CACNA2D1: variants seen among roughly 807,000 people sequenced by gnomAD.
CACNA2D1 encodes the protein voltage-dependent calcium channel subunit alpha-2/delta-1.
CACNA2D1 carries 53 observed loss-of-function variants against 171.5 expected under a neutral mutation model. The observed-to-expected ratio is 0.31, with a 90% confidence interval of 0.25 to 0.39. The LOEUF (loss-of-function observed/expected upper bound fraction) is 0.39. Among genes scored for constraint, CACNA2D1 ranks in the 10% least tolerant of loss-of-function variants. The pLI is 1.00. For synonymous variants in CACNA2D1, 442 were observed against 443.1 expected, an observed-to-expected ratio of 1.00 and a Z score of 0.03; for missense variants, 903 against 1,299.8, an observed-to-expected ratio of 0.69 and a Z score of 4.69.
intron 3 of CACNA2D1, among the ~76,000 whole-genome samples, chr7:82,317,988 C>T (rs12670011): frequency 0.17 from 25,625 of 151,194 alleles, 2,248 homozygotes; most frequent in South Asian, 0.28. Flanking sequence ...TATGATGCCT[C>T]TCTCCTTTCT....
intron 3 of CACNA2D1, among the ~76,000 whole-genome samples, chr7:82,217,934 T>TTTATTTATTTAC (rs1801338124): frequency 6.6e-6 from 1 of 150,562 alleles, no homozygotes; most frequent in African/African-American, 2.4e-5. Flanking sequence ...TATTTATTTA[T>TTTATTTATTTAC]TTATATTTTT....
At position 82,116,035 on chromosome 7, in the gene CACNA2D1, A is replaced by G. The variant is rs139357982; in HGVS notation, c.526+1009T>C. 4.6e-3 allele frequency among the ~76,000 whole-genome samples: 700 copies of G among 152,302 alleles called. 3 individuals are homozygous for G. Among genetic ancestry groups the G allele is most frequent in the Middle Eastern group, 6.8e-3 (2 of 294 alleles). On this transcript the variant is annotated intron_variant, in intron 6 of 38. Transcript: ENST00000356860. ...TGGACACAGGTAGTCTGGTTCCAGA[A>G]CCCAGGCCATCTGGATAATCTGGAT...
intron 3 of CACNA2D1, among the ~76,000 whole-genome samples, chr7:82,239,034 T>C (rs1160940616): frequency 6.6e-6 from 1 of 152,096 alleles, no homozygotes; most frequent in Non-Finnish European, 1.5e-5. Context: ...AGTAATATAT[T>C]CAACTGATGA....
chr7:82,317,526 C>T (rs1815269768), intron 3 of CACNA2D1, among the ~76,000 whole-genome samples: 1 of 152,236 alleles, frequency 6.6e-6, no homozygotes, highest in Non-Finnish European at 1.5e-5. Context: ...TAAGGAGGAG[C>T]AGCTGAGAAT....
At position 82,220,827 on chromosome 7, in the gene CACNA2D1, G is replaced by T. The variant is rs199934607; in HGVS notation, c.295-50218C>A. 1.7e-4 allele frequency among the ~76,000 whole-genome samples: 24 copies of T among 142,106 alleles called. No individual in the cohort carries two copies. The East Asian group carries it at 4.7e-3, about 28-fold the overall frequency. The allele number at this position is 142,106 out of a possible 152,430, so 93.2% of individuals were successfully genotyped here. On this transcript the variant is annotated intron_variant, in intron 3 of 38. Transcript: ENST00000356860. The stretch of plus-strand genomic sequence containing the variant: ...GGAATCTCACTCTGTCACCGATGCT[G>T]CAGTGTAGTGGCAAGATCTTGGCTC...
At chr7:82,018,861 G>A (rs1299207708) in intron 12 of CACNA2D1, among the ~76,000 whole-genome samples, 2 of 151,722 alleles carry the variant, frequency 1.3e-5, no homozygotes, top group Non-Finnish European at 2.9e-5. Flanking sequence ...GCTCACGCCT[G>A]TAATCCCAGC....
Position 82,128,484 on chromosome 7 carries a change from T to G in CACNA2D1, c.396+8151A>C. Among the ~76,000 whole-genome samples the G allele has an allele frequency of 1.3e-5, 2 of 152,234 alleles. 1 individual carries two copies. Among genetic ancestry groups the G allele is most frequent in the Non-Finnish European group, 2.9e-5 (2 of 68,018 alleles). On this transcript the variant is annotated intron_variant, in intron 5 of 38. Coordinates refer to ENST00000356860, the MANE Select transcript of CACNA2D1 (RefSeq NM_000722.4). ...CAGAGTCCTTGAAGAGCATAAACTTTCCCACAAACTGACTAATTCGGATGC... is the reference window on the plus strand; with the variant it reads ...CAGAGTCCTTGAAGAGCATAAACTTGCCCACAAACTGACTAATTCGGATGC...
intron 31 of CACNA2D1, among the ~76,000 whole-genome samples, chr7:81,966,551 T>G (rs1794725687): frequency 6.6e-6 from 1 of 151,180 alleles, no homozygotes; most frequent in Admixed American, 6.6e-5. Flanking sequence ...TGGAAGAAAA[T>G]ATTGTTTCAT....
chr7:82,355,329 G>T (rs139624334), intron 1 of CACNA2D1, among the ~76,000 whole-genome samples: 2 of 152,106 alleles, frequency 1.3e-5, no homozygotes, highest in African/African-American at 2.4e-5. Flanking sequence ...TGACTAATAG[G>T]TACATTGTTT....
Position 82,012,189 on chromosome 7 carries a change from G to T in CACNA2D1, c.1327C>A (p.Gln443Lys). 6.2e-7 allele frequency: 1 copy of T among 1,607,296 alleles called. No individual in the cohort carries two copies. Among genetic ancestry groups the T allele is most frequent in the Non-Finnish European group, 8.5e-7 (1 of 1,175,022 alleles). Residue 443 changes from glutamine to lysine, a missense_variant, in exon 15 of 39, where the codon CAA (glutamine) becomes AAA (lysine). Transcript: ENST00000356860. ...AGGTACACATTTGTCCATTGGACTT[G>T]CTTAGCTTTGTCTCCTGCTAAAACC... Reference protein sequence around the residue: ...PMVLAGDKAKQVQWTNVYLDA... With the variant: ...PMVLAGDKAKKVQWTNVYLDA...
At chr7:82,408,740 G>T (rs1336227914) in intron 1 of CACNA2D1, among the ~76,000 whole-genome samples, 7 of 152,082 alleles carry the variant, frequency 4.6e-5, no homozygotes, top group Non-Finnish European at 8.8e-5. Context: ...ATTCCATTCT[G>T]TAAGTCAAAT....
chr7:82,169,985 G>GA (rs1000357458), intron 4 of CACNA2D1, among the ~76,000 whole-genome samples: 60 of 144,742 alleles, frequency 4.1e-4, no homozygotes, highest in South Asian at 2.0e-3. Context: ...AGTTTATTAA[G>GA]AAAAAAAAAA....
At chr7:82,092,940 T>C (rs1171979268) in intron 6 of CACNA2D1, among the ~76,000 whole-genome samples, 1 of 151,958 alleles carries the variant, frequency 6.6e-6, no homozygotes, top group Admixed American at 6.6e-5. Context: ...CCGGAAGCCA[T>C]AGAAGAATGA....
intron 21 of CACNA2D1, among the ~76,000 whole-genome samples, chr7:81,985,644 G>A (rs1796890888): frequency 6.6e-6 from 1 of 152,102 alleles, no homozygotes; most frequent in Non-Finnish European, 1.5e-5. Context: ...TGTTTGCTAA[G>A]CTCATTAGTT....
At chr7:82,391,569 T>C (rs1323955149) in intron 1 of CACNA2D1, among the ~76,000 whole-genome samples, 1 of 152,212 alleles carries the variant, frequency 6.6e-6, no homozygotes, top group East Asian at 1.9e-4. Flanking sequence ...TATTAATAAA[T>C]ACCTTAAATG....
chr7:82,005,530 T>TGCCTGAG, intron 17 of CACNA2D1, 33 bp from the exon 18 acceptor site: 1 of 1,301,608 alleles, frequency 7.7e-7, no homozygotes, highest in South Asian at 1.3e-5. Context: ...AGCTTGGATA[T>TGCCTGAG]GCCTGAGTCA....
Position 81,961,751 on chromosome 7 carries a change from A to G in CACNA2D1, c.2966+143T>C, listed in dbSNP as rs1413146621. 4 of 720,556 alleles carry G rather than the reference A, an allele frequency of 5.6e-6. No homozygotes were observed. In the East Asian group the frequency reaches 8.1e-5, roughly 15 times the overall value. The allele number at this position is 720,556 out of a possible 1,614,324, so 44.6% of individuals were successfully genotyped here. On this transcript the variant is annotated intron_variant, in intron 36 of 38. Coordinates refer to ENST00000356860, the MANE Select transcript of CACNA2D1 (RefSeq NM_000722.4). Reference sequence around the variant, plus strand: ...AAGATTGCTGACATTTTCAGCTTAAAACAATTACTCACATCTCTGACTCCA... The same window carrying G: ...AAGATTGCTGACATTTTCAGCTTAAGACAATTACTCACATCTCTGACTCCA...
chr7:82,085,437 C>A (rs1310884968), intron 6 of CACNA2D1, among the ~76,000 whole-genome samples: 1 of 151,504 alleles, frequency 6.6e-6, no homozygotes, highest in Non-Finnish European at 1.5e-5. Context: ...ACCTATGGGG[C>A]ACCTTAGGAC....
intron 3 of CACNA2D1, among the ~76,000 whole-genome samples, chr7:82,294,070 T>C (rs1811978034): frequency 6.6e-6 from 1 of 152,134 alleles, no homozygotes; most frequent in South Asian, 2.1e-4. Context: ...CTTTATTTTA[T>C]TCCAATGGGG....
Sources: gnomAD v4.1 joint callset for allele counts (sites outside exome capture counted in the v4.1 genomes callset) on GRCh38, gnomAD v4.1.1 for gene constraint, MANE v1.5 for transcripts, NCBI Gene and HGNC (gene_info 2026-07-23, HGNC 2026-07-21) for gene names.